The following COL5A1 variants were observed in gnomAD, a reference collection of about 807,000 sequenced individuals.
COL5A1 encodes the protein collagen type V alpha 1 chain.
COL5A1 carries 16 observed loss-of-function variants against 263.7 expected under a neutral mutation model. The observed-to-expected ratio is 0.06, with a 90% CI of 0.04 to 0.09. The LOEUF (loss-of-function observed/expected upper bound fraction) is 0.09. Among genes scored for constraint, COL5A1 ranks in the 10% least tolerant of loss-of-function variants. COL5A1 has a pLI of 1.00. For missense variants in COL5A1, 2,036 were observed against 2,540.5 expected (o/e 0.80, Z 4.27); for synonymous variants, 1,012 against 1,004.5 (o/e 1.01, Z -0.14).
intron 1 of COL5A1, among the ~76,000 whole-genome samples, chr9:134,685,816 T>TCATC (rs376262626): frequency 3.5e-5 from 4 of 115,866 alleles, no homozygotes; most frequent in Non-Finnish European, 7.2e-5. Context: ...ATCCATCCAT[T>TCATC]CATCCATCCA....
intron 4 of COL5A1, among the ~76,000 whole-genome samples, chr9:134,721,935 A>G (rs1834477278): frequency 6.6e-6 from 1 of 152,096 alleles, no homozygotes; most frequent in African/African-American, 2.4e-5. Context: ...GTGGGCTGGA[A>G]AGAGCCCTGG....
rs769940667 is a variant in COL5A1 at position 134,732,169 on chromosome 9, G to A, written c.1389+42G>A. 2.8e-5 allele frequency: 45 copies of A among 1,606,426 alleles called. 1 individual carries two copies. Among genetic ancestry groups the A allele is most frequent in the African/African-American group, 6.7e-5 (5 of 74,766 alleles). On this transcript the variant is annotated intron_variant, in intron 9 of 65. Transcript: ENST00000371817. Reference sequence around the variant, plus strand: ...ATTCCCTCCCTGCGCCGGGGTGTCCGCTGCTCGGGGTCACAGCGGGGTGTG... The same window carrying A: ...ATTCCCTCCCTGCGCCGGGGTGTCCACTGCTCGGGGTCACAGCGGGGTGTG...
intron 4 of COL5A1, among the ~76,000 whole-genome samples, chr9:134,718,554 AG>A (rs2132615367): frequency 6.6e-6 from 1 of 152,344 alleles, no homozygotes; most frequent in South Asian, 2.1e-4. Context: ...GACGTGGAAC[AG>A]GAGAAGCCTG....
chr9:134,657,278 G>T (rs1832026001), intron 1 of COL5A1, among the ~76,000 whole-genome samples: 2 of 125,194 alleles, frequency 1.6e-5, no homozygotes, highest in Non-Finnish European at 3.4e-5. Flanking sequence ...ATACAGGGGT[G>T]GGGTAGAGGG....
intron 11 of COL5A1, among the ~76,000 whole-genome samples, chr9:134,744,645 G>A (rs1020592306): frequency 6.7e-6 from 1 of 150,142 alleles, no homozygotes; most frequent in African/African-American, 2.5e-5. Context: ...ACCCAGACAT[G>A]CACACAGGTA....
At chr9:134,775,929 A>T (rs1192925525) in intron 27 of COL5A1, among the ~76,000 whole-genome samples, 1 of 152,164 alleles carries the variant, frequency 6.6e-6, no homozygotes, top group Non-Finnish European at 1.5e-5. Context: ...GTCTGCTCCG[A>T]ATCAACCCTC....
At chr9:134,748,383 A>G (rs1037167847) in intron 11 of COL5A1, among the ~76,000 whole-genome samples, 4 of 152,188 alleles carry the variant, frequency 2.6e-5, no homozygotes, top group African/African-American at 9.7e-5. Context: ...ACATTCACAC[A>G]TGCACACACA....
Position 134,766,508 on chromosome 9 carries a change from TG to T in COL5A1, c.2133+14del, listed in dbSNP as rs1441837649. 1.9e-6 allele frequency: 3 copies of T among 1,613,980 alleles called. No individual in the cohort carries two copies. Among genetic ancestry groups the T allele is most frequent in the Non-Finnish European group, 2.5e-6 (3 of 1,179,948 alleles). On this transcript the variant is annotated intron_variant, in intron 22 of 65. Transcript: ENST00000371817. ...GCCAAAAGGAAATGTGGTAAGTCCCTGGGGTCCCGTGGCCTGGCTTCAGGGG... is the reference window on the plus strand; with the variant it reads ...GCCAAAAGGAAATGTGGTAAGTCCCTGGGTCCCGTGGCCTGGCTTCAGGGG...
chr9:134,717,120 C>A (rs34980427), intron 4 of COL5A1, among the ~76,000 whole-genome samples: 26,887 of 152,030 alleles, frequency 0.18, 2,591 homozygotes, highest in East Asian at 0.4. Context: ...GGTCTGGCCC[C>A]TGGCAGCTGG....
chr9:134,722,671 C>G (rs1834507175), intron 4 of COL5A1, among the ~76,000 whole-genome samples: 1 of 152,126 alleles, frequency 6.6e-6, no homozygotes, highest in South Asian at 2.1e-4. Context: ...GAAAGGAGAA[C>G]ATATTTTATT....
chr9:134,744,430 C>T (rs988080777), intron 11 of COL5A1, among the ~76,000 whole-genome samples: 17 of 151,946 alleles, frequency 1.1e-4, no homozygotes, highest in Admixed American at 8.5e-4. Flanking sequence ...CACCCACACA[C>T]GCACACACTC....
chr9:134,830,656 G>A (rs145685698), intron 64 of COL5A1, among the ~76,000 whole-genome samples: 51 of 152,298 alleles, frequency 3.3e-4, no homozygotes, highest in African/African-American at 8.9e-4. Context: ...TCTGCCCACC[G>A]GGCTGCAGAT....
At chr9:134,651,266 G>A (rs1245384382) in intron 1 of COL5A1, among the ~76,000 whole-genome samples, 1 of 152,200 alleles carries the variant, frequency 6.6e-6, no homozygotes, top group African/African-American at 2.4e-5. Flanking sequence ...TAAAAACAGT[G>A]TGGCGATTCC....
In COL5A1 at chr9:134,758,457, G is replaced by A. The variant is rs1056360774; in HGVS notation, c.1935+161G>A. ...CCTCACGGGAGTCAGCAATGGCAGT[G>A]AGCCCCAAGATGATGTCTTTGTTGA... On this transcript the variant is annotated intron_variant, in intron 18 of 65. Transcript: ENST00000371817. The surrounding 1 kb of genome is among the most constrained non-coding windows in gnomAD (Gnocchi z 4.1). Among the ~76,000 whole-genome samples, 1 of 152,028 alleles carries A rather than the reference G, an allele frequency of 6.6e-6. No individual in the cohort carries two copies. Among genetic ancestry groups the A allele is most frequent in the Non-Finnish European group, 1.5e-5 (1 of 68,002 alleles).
At position 134,812,711 on chromosome 9, in the gene COL5A1, A is replaced by G. The variant is rs1292934592; in HGVS notation, c.3851A>G (p.Lys1284Arg). 6.4e-7 allele frequency: 1 copy of G among 1,568,746 alleles called. No homozygotes were observed. Among genetic ancestry groups the G allele is most frequent in the Admixed American group, 1.9e-5 (1 of 52,622 alleles). ...GIGNPGAVGE[K>R]GEPGEAGEPG... ...GGAAACCCTGGTGCAGTGGGAGAGA[A>G]GGTGAGGCTCGTGCCTGCTCTGGTG... Residue 1284 changes from lysine (K) to arginine (R), a missense_variant and splice_region_variant, in exon 48 of 66, where the codon AAG becomes AGG. By Grantham distance (26) the Lys-to-Arg change is conservative. Coordinates refer to ENST00000371817, the MANE Select transcript of COL5A1 (RefSeq NM_000093.5).
intron 8 of COL5A1, 80 bp from the exon 9 acceptor site, chr9:134,731,991 G>A (rs1304579802): frequency 3.3e-6 from 5 of 1,532,022 alleles, no homozygotes; most frequent in East Asian, 2.2e-5. Context: ...TTGCGAAATC[G>A]GGCAGATTTT....
intron 37 of COL5A1, 87 bp downstream of exon 37, chr9:134,798,548 C>A: frequency 7.7e-7 from 1 of 1,292,764 alleles, no homozygotes; most frequent in Non-Finnish European, 1.1e-6. Flanking sequence ...CCAGCGCCAT[C>A]TAGGACCCTC....
rs1835921197 is a variant in COL5A1, at chr9:134,755,085, C to A, written c.1827+759C>A. ...GGATGCTCCTGACTTGGGGAGCAAG[C>A]TGTGGTTAGTGGGTAGAAATGACCC... On this transcript the variant is annotated intron_variant, in intron 16 of 65. Transcript: ENST00000371817. The surrounding 1 kb of genome is among the most constrained non-coding windows in gnomAD (Gnocchi z 4.1). Among the ~76,000 whole-genome samples, 1 of 152,056 alleles carries A rather than the reference C, an allele frequency of 6.6e-6. No individual in the cohort carries two copies. Among genetic ancestry groups the A allele is most frequent in the South Asian group, 2.1e-4 (1 of 4,822 alleles).
intron 18 of COL5A1, among the ~76,000 whole-genome samples, chr9:134,760,665 C>A (rs1305020338): frequency 3.4e-5 from 4 of 117,932 alleles, no homozygotes; most frequent in South Asian, 3.0e-4. Flanking sequence ...ACACACACAC[C>A]ACACATGCAC....
Sources: gnomAD v4.1 joint callset for allele counts (sites outside exome capture counted in the v4.1 genomes callset) on GRCh38, gnomAD v4.1.1 for gene constraint, Gnocchi (gnomAD v3.1) non-coding constraint, MANE v1.5 for transcripts, NCBI Gene and HGNC (gene_info 2026-07-23, HGNC 2026-07-21) for gene names.